The following ATXN1 variants were observed in gnomAD, a reference collection of about 807,000 sequenced individuals.
ATXN1 encodes the protein ataxin-1.
In ATXN1, 8 loss-of-function variants were observed where a neutral mutation model predicts 56.4. The ratio of observed to expected loss-of-function variants is 0.14; its 90% CI spans 0.08 to 0.26. The LOEUF (loss-of-function observed/expected upper bound fraction) is 0.26, where lower values mean the gene tolerates loss of function less well. Among genes scored for constraint, ATXN1 ranks in the 10% least tolerant of loss-of-function variants. The pLI is 1.00. For missense variants in ATXN1, 987 were observed against 1,106.5 expected (o/e 0.89, Z 1.53); for synonymous variants, 514 against 494.6 (o/e 1.04, Z -0.52).
intron 6 of ATXN1, among the ~76,000 whole-genome samples, chr6:16,451,506 A>C (rs1487723172): frequency 6.6e-6 from 1 of 152,148 alleles, no homozygotes; most frequent in Non-Finnish European, 1.5e-5. Context: ...CTGTAATCCC[A>C]GCACTTTGGG....
At chr6:16,624,705 A>G (rs1350293726) in intron 3 of ATXN1, among the ~76,000 whole-genome samples, 1 of 152,114 alleles carries the variant, frequency 6.6e-6, no homozygotes, top group Non-Finnish European at 1.5e-5. Context: ...AATATAAAAA[A>G]TTGTGAAAGT....
chr6:16,409,514 G>A (rs769212415), intron 6 of ATXN1, among the ~76,000 whole-genome samples: 8 of 151,986 alleles, frequency 5.3e-5, no homozygotes, highest in Non-Finnish European at 1.2e-4. Context: ...TTAACCTGGC[G>A]TGGTGGCTCA....
intron 4 of ATXN1, among the ~76,000 whole-genome samples, chr6:16,561,893 G>A (rs758390943): frequency 3.9e-5 from 6 of 152,148 alleles, no homozygotes; most frequent in Non-Finnish European, 8.8e-5. Context: ...AAGGTAGGCT[G>A]TAACCAAGTC....
intron 6 of ATXN1, among the ~76,000 whole-genome samples, chr6:16,481,106 C>T (rs1046000789): frequency 6.6e-6 from 1 of 152,174 alleles, no homozygotes; most frequent in African/African-American, 2.4e-5. Context: ...GAAGCTATCC[C>T]CAGTGCACTT....
At chr6:16,604,108 C>G (rs1762959013) in intron 3 of ATXN1, among the ~76,000 whole-genome samples, 1 of 152,018 alleles carries the variant, frequency 6.6e-6, no homozygotes, top group Non-Finnish European at 1.5e-5. Context: ...AGGGGGGATT[C>G]CTCAAGGTCT....
At chr6:16,752,356 G>C (rs1041382020) in intron 2 of ATXN1, among the ~76,000 whole-genome samples, 2 of 152,156 alleles carry the variant, frequency 1.3e-5, no homozygotes, top group African/African-American at 4.8e-5. Context: ...TGCCTAGACA[G>C]ATCAATGATT....
chr6:16,493,218 G>A (rs1427560976), intron 5 of ATXN1, among the ~76,000 whole-genome samples: 1 of 152,050 alleles, frequency 6.6e-6, no homozygotes, highest in African/African-American at 2.4e-5. Context: ...TTCTTTATTT[G>A]ATGCTGAAGA....
At chr6:16,355,722 C>T (rs568115633) in intron 6 of ATXN1, among the ~76,000 whole-genome samples, 2 of 152,260 alleles carry the variant, frequency 1.3e-5, no homozygotes, top group South Asian at 2.1e-4. Flanking sequence ...CCACCACGCC[C>T]GGCTAATTTT....
chr6:16,479,241 C>T (rs1229140011), intron 6 of ATXN1, among the ~76,000 whole-genome samples: 1 of 152,140 alleles, frequency 6.6e-6, no homozygotes, highest in Non-Finnish European at 1.5e-5. Flanking sequence ...CTTAATTTCT[C>T]TAACATAGGT....
chr6:16,710,555 T>C (rs924863901), intron 2 of ATXN1, among the ~76,000 whole-genome samples: 7 of 152,308 alleles, frequency 4.6e-5, no homozygotes, highest in Non-Finnish European at 8.8e-5. Flanking sequence ...CTATTTAGTT[T>C]TTAATTTTAA....
chr6:16,342,598 CA>C (rs572071576), intron 6 of ATXN1, among the ~76,000 whole-genome samples: 254 of 152,240 alleles, frequency 1.7e-3, no homozygotes, highest in Non-Finnish European at 2.5e-3. Context: ...GCACACGAGC[CA>C]AAAGGTGTCA....
chr6:16,367,368 A>T (rs1458769477), intron 6 of ATXN1, among the ~76,000 whole-genome samples: 1 of 151,530 alleles, frequency 6.6e-6, no homozygotes, highest in African/African-American at 2.4e-5. Context: ...TCTCTCACAC[A>T]CACACACACA....
intron 6 of ATXN1, among the ~76,000 whole-genome samples, chr6:16,461,279 G>C (rs1296575153): frequency 1.3e-5 from 2 of 152,192 alleles, no homozygotes; most frequent in Non-Finnish European, 2.9e-5. Flanking sequence ...CCTTGGGGTG[G>C]TTAACGGCAG....
At chr6:16,742,140 T>C (rs771688982) in intron 2 of ATXN1, among the ~76,000 whole-genome samples, 2 of 152,092 alleles carry the variant, frequency 1.3e-5, no homozygotes, top group Non-Finnish European at 2.9e-5. Context: ...AATAAACTTG[T>C]CTTATGGGTC....
chr6:16,496,086 A>T (rs1327416457), intron 5 of ATXN1, among the ~76,000 whole-genome samples: 1 of 152,234 alleles, frequency 6.6e-6, no homozygotes, highest in East Asian at 1.9e-4. Context: ...AACAGATACA[A>T]CAACTCCATA....
intron 2 of ATXN1, among the ~76,000 whole-genome samples, chr6:16,733,825 C>A (rs1760049388): frequency 6.6e-6 from 1 of 152,072 alleles, no homozygotes; most frequent in Non-Finnish European, 1.5e-5. Context: ...CCAGCCTGGG[C>A]AACAAGAGCA....
intron 6 of ATXN1, among the ~76,000 whole-genome samples, chr6:16,394,959 C>T (rs1269971418): frequency 6.6e-6 from 1 of 152,078 alleles, no homozygotes; most frequent in African/African-American, 2.4e-5. Flanking sequence ...AGCTTGACAG[C>T]CAAGCGTTCA....
intron 6 of ATXN1, among the ~76,000 whole-genome samples, chr6:16,482,156 A>G (rs1760453293): frequency 6.6e-6 from 1 of 152,190 alleles, no homozygotes; most frequent in Non-Finnish European, 1.5e-5. Context: ...TCATCAGAAC[A>G]GCATGTATGT....
chr6:16,728,360 C>G (rs920129958), intron 2 of ATXN1, among the ~76,000 whole-genome samples: 4 of 152,182 alleles, frequency 2.6e-5, no homozygotes, highest in Non-Finnish European at 5.9e-5. Context: ...TGGGCATGGA[C>G]AGTGGGGCAG....
Sources: allele counts gnomAD v4.1 joint callset (sites outside exome capture counted in the v4.1 genomes callset), GRCh38; gene constraint gnomAD v4.1.1; transcripts MANE v1.5; gene names NCBI Gene and HGNC (gene_info 2026-07-23, HGNC 2026-07-21).